Variants in LYPLAL1 observed in about 807,000 individuals in gnomAD.
LYPLAL1 encodes lysophospholipase like 1.
In LYPLAL1, 23 loss-of-function variants were observed where a neutral mutation model predicts 19.7. The observed-to-expected ratio is 1.17, with a 90% confidence interval of 0.84 to 1.65. LYPLAL1 has a LOEUF of 1.65. Ranked by LOEUF, LYPLAL1 falls within the 40% of genes most tolerant of loss-of-function variation. The pLI is 0.00. For synonymous variants in LYPLAL1, 119 were observed against 96.3 expected (o/e 1.24, Z -1.38); for missense variants, 355 against 279.4 (o/e 1.27, Z -1.93).
At chr1:219,259,503 G>T in the LYPLAL1 span, among the ~76,000 whole-genome samples, 1 of 151,206 alleles carries the variant, frequency 6.6e-6, no homozygotes, top group African/African-American at 2.4e-5. Context: ...ACTGGATGGG[G>T]TTGGAGACCA....
downstream of LYPLAL1, among the ~76,000 whole-genome samples, chr1:219,214,253 A>G (rs143816786): frequency 1.3e-5 from 2 of 152,188 alleles, no homozygotes; most frequent in East Asian, 1.9e-4. Context: ...TAATTTTTAT[A>G]TATTGCTGAA....
At chr1:219,292,286 C>T in the LYPLAL1 span, among the ~76,000 whole-genome samples, 1 of 152,120 alleles carries the variant, frequency 6.6e-6, no homozygotes. Context: ...GATAGTATGC[C>T]CTGAAGTTCA....
chr1:219,313,237 C>G, the LYPLAL1 span, among the ~76,000 whole-genome samples: 1 of 152,184 alleles, frequency 6.6e-6, no homozygotes, highest in Non-Finnish European at 1.5e-5. Flanking sequence ...TGTCTACCGC[C>G]ACTACTGAGT....
chr1:219,210,439 T>C, intron 3 of LYPLAL1, 93 bp from the exon 4 acceptor site: 1 of 890,576 alleles, frequency 1.1e-6, no homozygotes, highest in Non-Finnish European at 1.7e-6. Context: ...TTTAAAGGTC[T>C]CCAGATATTT....
chr1:219,265,840 A>G, the LYPLAL1 span, among the ~76,000 whole-genome samples: 23 of 152,180 alleles, frequency 1.5e-4, no homozygotes, highest in Admixed American at 1.5e-3. Context: ...AATGGTAAAT[A>G]TTTGTATATC....
chr1:219,186,650 C>A (rs1656747547), intron 2 of LYPLAL1, among the ~76,000 whole-genome samples: 1 of 151,756 alleles, frequency 6.6e-6, no homozygotes, highest in African/African-American at 2.4e-5. Context: ...TTATTGTTTA[C>A]ATGGCACTTC....
the LYPLAL1 span, among the ~76,000 whole-genome samples, chr1:219,357,819 T>C: frequency 2.6e-5 from 4 of 152,160 alleles, no homozygotes; most frequent in Non-Finnish European, 5.9e-5. Flanking sequence ...TAAGCAAATT[T>C]TGGTACATGC....
chr1:219,183,492 T>C (rs969535361), intron 2 of LYPLAL1, among the ~76,000 whole-genome samples: 1 of 151,862 alleles, frequency 6.6e-6, no homozygotes, highest in East Asian at 1.9e-4. Context: ...TAAATTATAG[T>C]ACAGAGAATT....
chr1:219,237,861 G>A, the LYPLAL1 span, among the ~76,000 whole-genome samples: 1 of 152,068 alleles, frequency 6.6e-6, no homozygotes, highest in African/African-American at 2.4e-5. Flanking sequence ...ATTAGGGCAG[G>A]ACTGTCTCAC....
chr1:219,294,412 T>C, the LYPLAL1 span, among the ~76,000 whole-genome samples: 1 of 137,132 alleles, frequency 7.3e-6, no homozygotes, highest in Non-Finnish European at 1.6e-5. Context: ...CAGTCTTCTG[T>C]TTTTCATGGA....
the LYPLAL1 span, among the ~76,000 whole-genome samples, chr1:219,361,705 T>C: frequency 6.6e-6 from 1 of 152,082 alleles, no homozygotes; most frequent in Non-Finnish European, 1.5e-5. Flanking sequence ...GCTTTTCAAA[T>C]AGTAACACAC....
At chr1:219,280,584 T>C in the LYPLAL1 span, among the ~76,000 whole-genome samples, 52,393 of 152,016 alleles carry the variant, frequency 0.34, 9,480 homozygotes, top group Non-Finnish European at 0.4. Context: ...CTGAACAACA[T>C]ATATGTTTAG....
At chr1:219,362,820 G>T in the LYPLAL1 span, among the ~76,000 whole-genome samples, 5 of 151,950 alleles carry the variant, frequency 3.3e-5, no homozygotes, top group Admixed American at 1.3e-4. Flanking sequence ...TTATTTTAGG[G>T]AGATCAACCA....
chr1:219,297,047 A>G, the LYPLAL1 span, among the ~76,000 whole-genome samples: 1 of 152,230 alleles, frequency 6.6e-6, no homozygotes, highest in African/African-American at 2.4e-5. Context: ...ATTCCTTCAT[A>G]TAAACCTGGG....
the LYPLAL1 span, among the ~76,000 whole-genome samples, chr1:219,391,151 A>C: frequency 6.6e-6 from 1 of 152,210 alleles, no homozygotes; most frequent in Non-Finnish European, 1.5e-5. Flanking sequence ...TTCCAAATTC[A>C]GTTTGGCAAA....
At chr1:219,272,600 AT>A in the LYPLAL1 span, 1 of 152,104 alleles carries the variant, frequency 6.6e-6, no homozygotes, top group African/African-American at 2.4e-5. Flanking sequence ...GTGAAACCCC[AT>A]CTTTACTAAA....
At chr1:219,209,992 TTAG>T (rs1241322483) in intron 3 of LYPLAL1, among the ~76,000 whole-genome samples, 1 of 152,108 alleles carries the variant, frequency 6.6e-6, no homozygotes, top group Non-Finnish European at 1.5e-5. Context: ...TCACCATAAA[TTAG>T]TTTCCAAAAT....
At chr1:219,436,197 C>T in the LYPLAL1 span, among the ~76,000 whole-genome samples, 2 of 152,160 alleles carry the variant, frequency 1.3e-5, no homozygotes, top group African/African-American at 4.8e-5. Flanking sequence ...CCCTCGCAGG[C>T]CCTGGAAGTA....
chr1:219,229,355 C>T, the LYPLAL1 span, among the ~76,000 whole-genome samples: 1 of 148,130 alleles, frequency 6.8e-6, no homozygotes, highest in Non-Finnish European at 1.5e-5. Flanking sequence ...GGCTACCGAA[C>T]AGCAGAACCA....
Sources: gnomAD v4.1 joint callset for allele counts (sites outside exome capture counted in the v4.1 genomes callset) on GRCh38, gnomAD v4.1.1 for gene constraint, MANE v1.5 for transcripts, NCBI Gene and HGNC (gene_info 2026-07-23, HGNC 2026-07-21) for gene names.